The following NADK variants were observed in gnomAD, a reference collection of about 807,000 sequenced individuals.
The protein encoded by NADK is poly(P)/ATP NAD kinase.
Under a neutral mutation model 49.8 loss-of-function variants are expected in NADK, and 22 were observed. That is an observed-to-expected ratio of 0.44 (90% CI 0.32 to 0.63). The LOEUF (loss-of-function observed/expected upper bound fraction) is 0.63. NADK is among the 30% of genes least tolerant of loss of function. The pLI, the probability that NADK is intolerant of heterozygous loss-of-function variation, is 0.06. For synonymous variants in NADK, 268 were observed against 253.7 expected (o/e 1.06, Z -0.54); for missense variants, 438 against 609.4 (o/e 0.72, Z 2.96).
intron 1 of NADK, 92 bp from the exon 2 acceptor site, chr1:1,765,538 G>A (rs1024972712): frequency 1.4e-5 from 9 of 645,086 alleles, no homozygotes; most frequent in Non-Finnish European, 4.7e-6. Flanking sequence ...ATTTCATCAA[G>A]GGGAAAAAAT....
At chr1:1,773,791 A>G (rs1646129964) in intron 1 of NADK, among the ~76,000 whole-genome samples, 1 of 151,316 alleles carries the variant, frequency 6.6e-6, no homozygotes, top group Admixed American at 6.6e-5. Context: ...TCTGTCACCT[A>G]AGCTGGAGTG....
intron 3 of NADK, chr1:1,761,545 C>T: frequency 5.5e-6 from 1 of 182,618 alleles, no homozygotes; most frequent in Non-Finnish European, 1.2e-5. Context: ...CATCAAATAG[C>T]AAACGCAACC....
chr1:1,753,180 G>A, intron 11 of NADK, 120 bp from the exon 12 acceptor site: 1 of 1,275,370 alleles, frequency 7.8e-7, no homozygotes, highest in African/African-American at 1.5e-5. Flanking sequence ...GGGCCGGGCA[G>A]CCCCTCCCCG....
At chr1:1,756,761 G>C in intron 4 of NADK, 153 bp from the exon 5 acceptor site, 1 of 1,315,430 alleles carries the variant, frequency 7.6e-7, no homozygotes, top group Non-Finnish European at 1.1e-6. Context: ...TCACCAACGC[G>C]CCAGGAGGAA....
At chr1:1,758,969 C>A (rs574879950) in intron 3 of NADK, 25 of 1,223,636 alleles carry the variant, frequency 2.0e-5, no homozygotes, top group Non-Finnish European at 2.5e-5. Flanking sequence ...CCTCCTAGCC[C>A]GCTGCGTCAC....
intron 1 of NADK, among the ~76,000 whole-genome samples, chr1:1,766,495 GAA>G (rs1462894242): frequency 7.5e-6 from 1 of 134,186 alleles, no homozygotes; most frequent in Non-Finnish European, 1.6e-5. Flanking sequence ...TAATGAGAGA[GAA>G]AGTGTGCAAT....
At chr1:1,769,706 C>T (rs1213849574) in intron 1 of NADK, among the ~76,000 whole-genome samples, 2 of 148,990 alleles carry the variant, frequency 1.3e-5, no homozygotes, top group South Asian at 2.1e-4. Flanking sequence ...CTAACCTGGG[C>T]GACAGAGCAA....
At chr1:1,764,392 C>T (rs17162855) in intron 2 of NADK, among the ~76,000 whole-genome samples, 125,446 of 152,046 alleles carry the variant, frequency 0.83, 53,673 homozygotes, top group Non-Finnish European at 0.95. Context: ...GCGCTGTTGC[C>T]CAAGCAGCAT....
chr1:1,757,145 T>TGCG, intron 4 of NADK, 36 bp downstream of exon 4: 1 of 1,534,214 alleles, frequency 6.5e-7, no homozygotes, highest in Non-Finnish European at 8.8e-7. Flanking sequence ...CAACTCCATG[T>TGCG]GCACCCCAGG....
chr1:1,752,764 A>C lies in NADK; in HGVS notation c.*140T>G. On this transcript the variant is annotated 3_prime_UTR_variant, in exon 12 of 12. Transcript: ENST00000341426. Reference sequence around the variant, plus strand: ...AAAACAGCTGATCTGGACAAAAGGCAGACCCAGGCTCTAACCCAGCTACAG... The same window carrying C: ...AAAACAGCTGATCTGGACAAAAGGCCGACCCAGGCTCTAACCCAGCTACAG... The C allele has an allele frequency of 1.0e-6, 1 of 989,098 alleles. No homozygotes were observed. The highest frequency in any genetic ancestry group is 1.7e-5 in the South Asian group (1 of 59,918). 61.3% of individuals were successfully genotyped at this position (989,098 alleles called of 1,614,324 possible). A position where few individuals can be genotyped will look rare whatever the true frequency, so the allele number is the denominator to read the frequency against.
intron 3 of NADK, among the ~76,000 whole-genome samples, chr1:1,760,664 C>A (rs1015334860): frequency 2.0e-5 from 3 of 150,534 alleles, no homozygotes; most frequent in African/African-American, 7.4e-5. Context: ...TCCATGACTC[C>A]GTGAAGGAGG....
chr1:1,767,188 A>G (rs1257801175), intron 1 of NADK, among the ~76,000 whole-genome samples: 1 of 152,204 alleles, frequency 6.6e-6, no homozygotes, highest in Non-Finnish European at 1.5e-5. Flanking sequence ...AAGTGCTGGG[A>G]TTACAGGCGT....
intron 1 of NADK, among the ~76,000 whole-genome samples, chr1:1,776,284 T>C (rs1472981560): frequency 6.6e-6 from 1 of 152,202 alleles, no homozygotes; most frequent in African/African-American, 2.4e-5. Flanking sequence ...GAACTGCTCT[T>C]GACTTGGCCA....
Position 1,753,551 on chromosome 1 carries a change from G to T in NADK, c.1184+16C>A, listed in dbSNP as rs138146152. The T allele has an allele frequency of 1.2e-6, 2 of 1,606,506 alleles. No individual in the cohort carries two copies. Among genetic ancestry groups the T allele is most frequent in the Non-Finnish European group, 1.7e-6 (2 of 1,175,680 alleles). On this transcript the variant is annotated intron_variant, in intron 11 of 11. Coordinates refer to ENST00000341426, the MANE Select transcript of NADK (RefSeq NM_023018.5). ...GAGGTTGGCAGGCAGCGCCCAGCCC[G>T]GCATGCAGCCCACACCTGTCTCCAT...
intron 1 of NADK, 57 bp from the exon 2 acceptor site, chr1:1,765,503 A>C: frequency 1.1e-6 from 1 of 879,976 alleles, no homozygotes; most frequent in South Asian, 2.8e-5. Context: ...ATGAAACAAT[A>C]ATAATTTACA....
chr1:1,774,318 C>T lies in NADK; in HGVS notation c.-41+3971G>A, dbSNP rs12060461. On this transcript the variant is annotated intron_variant, in intron 1 of 11. Transcript: ENST00000341426. ...CGATCTCGGCTCACCGCAAACTCTG[C>T]CTCCCAGGTTCAAGCAATTCTCCTG... is the stretch of plus-strand genomic sequence containing the variant. Among the ~76,000 whole-genome samples, 539 of 152,158 alleles carry T rather than the reference C, an allele frequency of 3.5e-3. 6 individuals are homozygous for T. Among genetic ancestry groups the T allele is most frequent in the African/African-American group, 0.012 (480 of 41,510 alleles).
intron 1 of NADK, among the ~76,000 whole-genome samples, chr1:1,766,662 C>G (rs1645897483): frequency 6.6e-6 from 1 of 151,346 alleles, no homozygotes; most frequent in African/African-American, 2.4e-5. Flanking sequence ...GATAGAAAAC[C>G]TCACCCTTTT....
intron 2 of NADK, among the ~76,000 whole-genome samples, chr1:1,762,566 G>A (rs1645758527): frequency 6.6e-6 from 1 of 152,114 alleles, no homozygotes; most frequent in South Asian, 2.1e-4. Flanking sequence ...GACCAGCCTG[G>A]CCAACATGGT....
At chr1:1,755,986 C>T (rs1430583559) in intron 6 of NADK, 2 of 559,550 alleles carry the variant, frequency 3.6e-6, no homozygotes, top group Non-Finnish European at 3.2e-6. Context: ...GGCCAGTAGG[C>T]GAGGTCGTTT....
Sources: allele counts gnomAD v4.1 joint callset (sites outside exome capture counted in the v4.1 genomes callset), GRCh38; gene constraint gnomAD v4.1.1; transcripts MANE v1.5; gene names NCBI Gene and HGNC (gene_info 2026-07-23, HGNC 2026-07-21).